NRXN3: variants seen among roughly 807,000 people sequenced by gnomAD.
NRXN3 encodes the protein neurexin III.
Under a neutral mutation model 137.6 loss-of-function variants are expected in NRXN3, and 32 were observed. That is an observed-to-expected ratio of 0.23 (90% CI 0.18 to 0.31). The LOEUF (loss-of-function observed/expected upper bound fraction) is 0.31. Among genes scored for constraint, NRXN3 ranks in the 10% least tolerant of loss-of-function variants. The probability of loss-of-function intolerance (pLI) is 1.00; values close to 1 mark genes in which losing one functional copy is unlikely to be tolerated. For synonymous variants in NRXN3, 798 were observed against 784.5 expected (o/e 1.02, Z -0.29); for missense variants, 1,574 against 2,062.5 (o/e 0.76, Z 4.59).
chr14:79,332,376 T>A (rs2091814565), intron 15 of NRXN3, among the ~76,000 whole-genome samples: 1 of 152,204 alleles, frequency 6.6e-6, no homozygotes, highest in Non-Finnish European at 1.5e-5. Context: ...CAGTCTCATC[T>A]CCTACAACTC....
intron 4 of NRXN3, among the ~76,000 whole-genome samples, chr14:78,641,077 T>C (rs145910322): frequency 8.7e-4 from 133 of 152,340 alleles, no homozygotes; most frequent in Middle Eastern, 3.4e-3. Flanking sequence ...ACACCAAGTA[T>C]AAAAAACAGA....
At chr14:79,263,312 T>A (rs1387120838) in intron 15 of NRXN3, among the ~76,000 whole-genome samples, 5 of 152,196 alleles carry the variant, frequency 3.3e-5, no homozygotes. Context: ...TTTAAATGAA[T>A]ATGCTGAAAT....
intron 15 of NRXN3, among the ~76,000 whole-genome samples, chr14:79,005,587 C>G (rs1401461194): frequency 1.3e-5 from 2 of 152,182 alleles, no homozygotes; most frequent in African/African-American, 4.8e-5. Context: ...CCAAACATAA[C>G]ATTCCATTTA....
chr14:78,884,152 A>G (rs1440329324), intron 10 of NRXN3, among the ~76,000 whole-genome samples: 3 of 152,182 alleles, frequency 2.0e-5, no homozygotes, highest in African/African-American at 7.2e-5. Flanking sequence ...TGCTCTTAAA[A>G]TCTTGTTTGA....
chr14:79,474,699 C>T (rs1190533256), intron 16 of NRXN3, among the ~76,000 whole-genome samples: 1 of 152,044 alleles, frequency 6.6e-6, no homozygotes, highest in Non-Finnish European at 1.5e-5. Context: ...TTCCAAAGGG[C>T]TCTAGACTCA....
intron 19 of NRXN3, among the ~76,000 whole-genome samples, chr14:79,699,406 G>A (rs527953565): frequency 3.3e-5 from 5 of 152,170 alleles, no homozygotes; most frequent in African/African-American, 1.2e-4. Context: ...TGCTAACTCT[G>A]TGGGAAGCAG....
At chr14:79,719,410 A>ATGTGTG (rs1568000665) in intron 19 of NRXN3, among the ~76,000 whole-genome samples, 3 of 149,604 alleles carry the variant, frequency 2.0e-5, no homozygotes, top group South Asian at 2.1e-4. Context: ...GTGTATATAT[A>ATGTGTG]TATATATATA....
At position 79,110,762 on chromosome 14, in the gene NRXN3, T is replaced by TTTTATTTATTTA. The variant is rs369429039; in HGVS notation, c.3262+122645_3262+122656dup. On this transcript the variant is annotated intron_variant, in intron 15 of 20. Coordinates refer to ENST00000335750, the MANE Select transcript of NRXN3 (RefSeq NM_001330195.2). ...GTCTTCTTTCAATGAGAAATTATTA[T>TTTTATTTATTTA]TTTATTTATTTATTTATTTATTTAT... Among the ~76,000 whole-genome samples, 718 of 139,122 alleles carry TTTTATTTATTTA rather than the reference T, an allele frequency of 5.2e-3. 7 individuals are homozygous for TTTTATTTATTTA. The highest frequency in any genetic ancestry group is 0.018 in the African/African-American group (685 of 37,500). 91.3% of individuals were successfully genotyped at this position (139,122 alleles called of 152,430 possible).
intron 17 of NRXN3, among the ~76,000 whole-genome samples, chr14:79,687,261 C>T (rs144196023): frequency 5.1e-4 from 77 of 152,240 alleles, no homozygotes; most frequent in African/African-American, 1.8e-3. Flanking sequence ...TTCTAGATGG[C>T]CTTTGGGTGT....
At chr14:79,479,774 C>T (rs1897516671) in intron 16 of NRXN3, among the ~76,000 whole-genome samples, 1 of 152,048 alleles carries the variant, frequency 6.6e-6, no homozygotes, top group South Asian at 2.1e-4. Flanking sequence ...ACCCCCAAGC[C>T]ACTTTCTTAA....
At chr14:79,168,871 A>G (rs2061525102) in intron 15 of NRXN3, among the ~76,000 whole-genome samples, 1 of 152,118 alleles carries the variant, frequency 6.6e-6, no homozygotes, top group Non-Finnish European at 1.5e-5. Context: ...TTCCTGTGCT[A>G]CTAAGTGCAT....
At chr14:79,740,712 T>TTATA (rs869216055) in intron 19 of NRXN3, among the ~76,000 whole-genome samples, 209 of 15,700 alleles carry the variant, frequency 0.013, 3 homozygotes, top group Non-Finnish European at 0.018. Context: ...ATTTAGTTTT[T>TTATA]TATATATATA....
At chr14:79,788,200 C>G (rs1009371816) in intron 19 of NRXN3, among the ~76,000 whole-genome samples, 1 of 152,160 alleles carries the variant, frequency 6.6e-6, no homozygotes, top group Non-Finnish European at 1.5e-5. Context: ...TTCACTACCA[C>G]AAGAACAGCA....
intron 8 of NRXN3, among the ~76,000 whole-genome samples, chr14:78,781,326 C>T (rs905701547): frequency 1.3e-5 from 2 of 152,098 alleles, no homozygotes; most frequent in African/African-American, 2.4e-5. Context: ...AGAATATTGA[C>T]CTATGCCTGT....
intron 20 of NRXN3, among the ~76,000 whole-genome samples, chr14:79,854,878 A>G (rs1342640184): frequency 6.6e-5 from 10 of 152,198 alleles, no homozygotes. Flanking sequence ...TCAGGCTACA[A>G]AATCAATTAT....
chr14:79,535,505 A>AT (rs1230954259), intron 16 of NRXN3, among the ~76,000 whole-genome samples: 3 of 151,506 alleles, frequency 2.0e-5, no homozygotes, highest in African/African-American at 4.8e-5. Flanking sequence ...AGTTTTGTTT[A>AT]TTTTTTTTCT....
At chr14:78,253,957 G>A (rs764445783) in intron 2 of NRXN3, among the ~76,000 whole-genome samples, 6 of 152,000 alleles carry the variant, frequency 3.9e-5, no homozygotes, top group Non-Finnish European at 7.4e-5. Context: ...TCTATTTAAA[G>A]TAATCTGACC....
At chr14:78,947,170 A>G (rs376641338) in intron 10 of NRXN3, among the ~76,000 whole-genome samples, 2 of 152,150 alleles carry the variant, frequency 1.3e-5, no homozygotes, top group African/African-American at 4.8e-5. Flanking sequence ...CAGGAGTAAG[A>G]CCATTCTGTG....
intron 15 of NRXN3, among the ~76,000 whole-genome samples, chr14:79,360,534 G>A (rs1251990436): frequency 1.3e-5 from 2 of 152,312 alleles, no homozygotes; most frequent in Admixed American, 6.5e-5. Context: ...TGTAACCTTG[G>A]CCCTCAGACT....
Sources: allele counts gnomAD v4.1 joint callset (sites outside exome capture counted in the v4.1 genomes callset), GRCh38; gene constraint gnomAD v4.1.1; transcripts MANE v1.5; gene names NCBI Gene and HGNC (gene_info 2026-07-23, HGNC 2026-07-21).